The following HNRNPC variants were observed in gnomAD, a reference collection of about 807,000 sequenced individuals.
The protein encoded by HNRNPC is heterogeneous nuclear ribonucleoproteins C1/C2.
In HNRNPC, 3 loss-of-function variants were observed where a neutral mutation model predicts 33.2. That is an observed-to-expected ratio of 0.09 (90% CI 0.04 to 0.23). The LOEUF is 0.23. Ranked by LOEUF, HNRNPC falls within the 10% of genes least tolerant of loss-of-function variation. The probability of loss-of-function intolerance (pLI) is 1.00; values close to 1 mark genes in which losing one functional copy is unlikely to be tolerated. For missense variants in HNRNPC, 143 were observed against 366.7 expected (o/e 0.39, Z 4.98); for synonymous variants, 121 against 126.7 (o/e 0.96, Z 0.30).
intron 1 of HNRNPC, chr14:21,264,341 C>G (rs1372033576): frequency 7.9e-5 from 12 of 152,066 alleles, no homozygotes; most frequent in Admixed American, 5.9e-4. Flanking sequence ...ACCACAAGAC[C>G]TAATAGGTTC....
At chr14:21,266,417 A>G (rs1878993674) in intron 1 of HNRNPC, among the ~76,000 whole-genome samples, 2 of 152,062 alleles carry the variant, frequency 1.3e-5, no homozygotes, top group South Asian at 4.1e-4. Flanking sequence ...AATTCTTTAA[A>G]CAAAATGCCT....
At chr14:21,242,938 A>G (rs1044997815) in intron 2 of HNRNPC, among the ~76,000 whole-genome samples, 1 of 152,198 alleles carries the variant, frequency 6.6e-6, no homozygotes, top group Non-Finnish European at 1.5e-5. Flanking sequence ...CGGCATGGCC[A>G]ATGTGGTGAA....
At chr14:21,255,046 T>C (rs1876932200) in intron 2 of HNRNPC, among the ~76,000 whole-genome samples, 1 of 152,210 alleles carries the variant, frequency 6.6e-6, no homozygotes, top group African/African-American at 2.4e-5. Context: ...GCTCTGAAGC[T>C]AGAAAACCCA....
chr14:21,220,373 G>A (rs1010777163), intron 5 of HNRNPC, among the ~76,000 whole-genome samples: 3 of 151,552 alleles, frequency 2.0e-5, no homozygotes, highest in Non-Finnish European at 4.4e-5. Flanking sequence ...TACTACAGGC[G>A]CCCACCACCA....
At chr14:21,220,283 G>C (rs1438450190) in intron 5 of HNRNPC, among the ~76,000 whole-genome samples, 1 of 145,620 alleles carries the variant, frequency 6.9e-6, no homozygotes, top group Non-Finnish European at 1.5e-5. Context: ...TGTTGTCCAA[G>C]CTGCAGTGCA....
At chr14:21,213,240 T>C (rs1314741691) in intron 5 of HNRNPC, 123 bp from the exon 6 acceptor site, 51 of 1,046,844 alleles carry the variant, frequency 4.9e-5, no homozygotes, top group Admixed American at 1.5e-4. Flanking sequence ...TTAAATTTCA[T>C]TAAGAAGGCC....
intron 5 of HNRNPC, among the ~76,000 whole-genome samples, chr14:21,229,249 G>A (rs1002445646): frequency 1.3e-5 from 2 of 151,798 alleles, no homozygotes; most frequent in African/African-American, 4.8e-5. Flanking sequence ...AATTAGCCGG[G>A]TGTGGTGGCG....
chr14:21,265,713 G>C (rs1031621112), intron 1 of HNRNPC, among the ~76,000 whole-genome samples: 6 of 152,204 alleles, frequency 3.9e-5, no homozygotes, highest in African/African-American at 1.4e-4. Context: ...GGGAGGCAGA[G>C]GGTGCAGTGA....
intron 2 of HNRNPC, among the ~76,000 whole-genome samples, chr14:21,259,906 AAT>A (rs943025358): frequency 4.0e-5 from 6 of 151,334 alleles, no homozygotes; most frequent in South Asian, 4.2e-4. Context: ...AACAATAAAA[AAT>A]AGTCAGGTGG....
chr14:21,234,695 ACACAG>A (rs1189321946), intron 2 of HNRNPC: 1 of 156,872 alleles, frequency 6.4e-6, no homozygotes, highest in Non-Finnish European at 1.4e-5. Context: ...GTATATATAC[ACACAG>A]CATAGCAAAC....
intron 2 of HNRNPC, among the ~76,000 whole-genome samples, chr14:21,243,141 G>A (rs1395622049): frequency 6.6e-6 from 1 of 152,126 alleles, no homozygotes; most frequent in Non-Finnish European, 1.5e-5. Flanking sequence ...AATTCTGACT[G>A]AACACTAGAC....
At chr14:21,217,253 TG>T (rs1389176847) in intron 5 of HNRNPC, among the ~76,000 whole-genome samples, 1 of 152,226 alleles carries the variant, frequency 6.6e-6, no homozygotes, top group Non-Finnish European at 1.5e-5. Context: ...GCAAAATTTT[TG>T]TAGCTTGTGT....
chr14:21,254,040 G>T (rs1311112075), intron 2 of HNRNPC, among the ~76,000 whole-genome samples: 1 of 147,650 alleles, frequency 6.8e-6, no homozygotes, highest in Non-Finnish European at 1.5e-5. Context: ...TCCAGCCTGG[G>T]CTAGAGTGAG....
chr14:21,261,370 A>T (rs1566648321), intron 2 of HNRNPC, among the ~76,000 whole-genome samples: 1 of 152,230 alleles, frequency 6.6e-6, no homozygotes, highest in Non-Finnish European at 1.5e-5. Context: ...AAAGAAGAAA[A>T]AATAGCTCTC....
At chr14:21,230,804 G>T in intron 4 of HNRNPC, 193 bp downstream of exon 4, 1 of 574,546 alleles carries the variant, frequency 1.7e-6, no homozygotes, top group Non-Finnish European at 3.0e-6. Context: ...ATTTTCTCTA[G>T]GGCAAAAAAG....
At chr14:21,220,210 C>G (rs1594212950) in intron 5 of HNRNPC, among the ~76,000 whole-genome samples, 1 of 151,940 alleles carries the variant, frequency 6.6e-6, no homozygotes, top group South Asian at 2.1e-4. Flanking sequence ...TTAACCCAAC[C>G]CCTTTTCTCT....
chr14:21,261,366 GA>G (rs1268605734), intron 2 of HNRNPC, among the ~76,000 whole-genome samples: 1 of 152,036 alleles, frequency 6.6e-6, no homozygotes, highest in Non-Finnish European at 1.5e-5. Context: ...CAGCAAAGAA[GA>G]AAAAATAGCT....
chr14:21,226,219 G>A (rs1029445097), intron 5 of HNRNPC, among the ~76,000 whole-genome samples: 1 of 151,502 alleles, frequency 6.6e-6, no homozygotes, highest in Non-Finnish European at 1.5e-5. Flanking sequence ...CTACTCAGGA[G>A]GCTGAGGCAG....
chr14:21,235,577 ACTT>A (rs1019529974), intron 2 of HNRNPC, among the ~76,000 whole-genome samples: 23 of 152,202 alleles, frequency 1.5e-4, no homozygotes, highest in Admixed American at 9.2e-4. Flanking sequence ...CTTTACAAAA[ACTT>A]CTTAATATTT....
Sources: gnomAD v4.1 joint callset for allele counts (sites outside exome capture counted in the v4.1 genomes callset) on GRCh38, gnomAD v4.1.1 for gene constraint, MANE v1.5 for transcripts, NCBI Gene and HGNC (gene_info 2026-07-23, HGNC 2026-07-21) for gene names.